SLC1A2: variants seen among roughly 807,000 people sequenced by gnomAD.
The protein encoded by SLC1A2 is excitatory amino acid transporter 2.
Under a neutral mutation model 48.8 loss-of-function variants are expected in SLC1A2, and 15 were observed. The observed-to-expected ratio is 0.31, with a 90% CI of 0.21 to 0.47. The LOEUF (loss-of-function observed/expected upper bound fraction) is 0.47, where lower values mean the gene tolerates loss of function less well. Among genes scored for constraint, SLC1A2 ranks in the 20% least tolerant of loss-of-function variants. The pLI is 0.99. For synonymous variants in SLC1A2, 279 were observed against 272.6 expected (o/e 1.02, Z -0.23); for missense variants, 502 against 730.5 (o/e 0.69, Z 3.61).
chr11:35,317,597 CT>C, intron 1 of SLC1A2, 81 bp from the exon 2 acceptor site: 1 of 1,488,512 alleles, frequency 6.7e-7, no homozygotes, highest in Non-Finnish European at 9.1e-7. Context: ...GTAGGAACCT[CT>C]CCAGGCACAG....
At chr11:35,267,802 A>G (rs1850144968) in intron 9 of SLC1A2, among the ~76,000 whole-genome samples, 2 of 152,006 alleles carry the variant, frequency 1.3e-5, no homozygotes, top group Non-Finnish European at 2.9e-5. Flanking sequence ...AAGTTGAATC[A>G]TGCAAGAAAC....
At chr11:35,327,876 G>A (rs1852298404) in intron 1 of SLC1A2, among the ~76,000 whole-genome samples, 1 of 152,166 alleles carries the variant, frequency 6.6e-6, no homozygotes, top group Admixed American at 6.5e-5. Context: ...TTAAACCTGT[G>A]CTGTCCTTTG....
At chr11:35,344,804 A>G (rs181552951) in intron 1 of SLC1A2, among the ~76,000 whole-genome samples, 2 of 152,338 alleles carry the variant, frequency 1.3e-5, no homozygotes, top group East Asian at 3.9e-4. Context: ...ATCTTCGAGC[A>G]ATAAAAAGCA....
intron 1 of SLC1A2, among the ~76,000 whole-genome samples, chr11:35,395,765 C>T (rs1161533124): frequency 7.6e-5 from 11 of 144,120 alleles, no homozygotes; most frequent in Middle Eastern, 3.2e-3. Flanking sequence ...CGTGCTGGTG[C>T]GCTGCACCCA....
Position 35,405,511 on chromosome 11 carries a change from T to C in SLC1A2, c.17+13439A>G, listed in dbSNP as rs115988508. 5.6e-3 allele frequency among the ~76,000 whole-genome samples: 846 copies of C among 152,260 alleles called. 10 individuals are homozygous for C. The highest frequency in any genetic ancestry group is 0.019 in the African/African-American group (803 of 41,532). On this transcript the variant is annotated intron_variant, in intron 1 of 10. Coordinates refer to ENST00000278379, the MANE Select transcript of SLC1A2 (RefSeq NM_004171.4). ...TCTGAATATCAAATTCATTCTAGCT[T>C]CTCCTTGTTTTCCTTTACAAAGAAC...
intron 1 of SLC1A2, among the ~76,000 whole-genome samples, chr11:35,415,893 C>G (rs1401588084): frequency 2.0e-5 from 3 of 152,218 alleles, no homozygotes; most frequent in African/African-American, 7.2e-5. Flanking sequence ...GGACACTCCA[C>G]TGTGACCCAG....
intron 1 of SLC1A2, among the ~76,000 whole-genome samples, chr11:35,393,972 A>G (rs539588470): frequency 2.0e-5 from 3 of 152,202 alleles, no homozygotes; most frequent in Non-Finnish European, 2.9e-5. Flanking sequence ...CTCTTCTGTA[A>G]CCATGATGGA....
rs1950327113 is a variant in SLC1A2 at position 35,257,314 on chromosome 11, T to A, written c.*3580A>T. On this transcript the variant is annotated 3_prime_UTR_variant, in exon 11 of 11. Coordinates refer to ENST00000278379, the MANE Select transcript of SLC1A2 (RefSeq NM_004171.4). Reference sequence around the variant, plus strand: ...TGAGTCTAAATCCAGGAGCTAGGCATTTTGGCACCCCTTCTTTCAGCTTTC... The same window carrying A: ...TGAGTCTAAATCCAGGAGCTAGGCAATTTGGCACCCCTTCTTTCAGCTTTC... 6.6e-6 allele frequency: 1 copy of A among 152,168 alleles called. No homozygotes were observed. Among genetic ancestry groups the A allele is most frequent in the African/African-American group, 2.4e-5 (1 of 41,448 alleles). 9.4% of individuals were successfully genotyped at this position (152,168 alleles called of 1,614,324 possible). A position where few individuals can be genotyped will look rare whatever the true frequency, so the allele number is the denominator to read the frequency against.
intron 1 of SLC1A2, among the ~76,000 whole-genome samples, chr11:35,350,019 T>A (rs1487709237): frequency 6.6e-6 from 1 of 152,134 alleles, no homozygotes; most frequent in Non-Finnish European, 1.5e-5. Flanking sequence ...TTTCTTCATG[T>A]CTCTGAGCCT....
chr11:35,413,410 A>G (rs1855523125), intron 1 of SLC1A2, among the ~76,000 whole-genome samples: 3 of 152,206 alleles, frequency 2.0e-5, no homozygotes, highest in Admixed American at 1.3e-4. Context: ...TGAGGCTAAG[A>G]GTCACTCCTG....
chr11:35,293,405 T>C (rs111245363), intron 6 of SLC1A2, among the ~76,000 whole-genome samples: 8,120 of 152,274 alleles, frequency 0.053, 708 homozygotes, highest in African/African-American at 0.18. Context: ...CCAATTTATC[T>C]TATATAAACT....
intron 1 of SLC1A2, among the ~76,000 whole-genome samples, chr11:35,346,274 C>A (rs1390879094): frequency 6.6e-6 from 1 of 152,154 alleles, no homozygotes; most frequent in East Asian, 1.9e-4. Context: ...TCCATCCCAC[C>A]TCCTGCTGTT....
At chr11:35,316,440 G>A (rs1247667399) in intron 2 of SLC1A2, 1 of 152,168 alleles carries the variant, frequency 6.6e-6, no homozygotes, top group Non-Finnish European at 1.5e-5. Context: ...AATTAGATGT[G>A]GTTACATGGC....
intron 10 of SLC1A2, among the ~76,000 whole-genome samples, chr11:35,261,494 A>T (rs774149400): frequency 1.3e-5 from 2 of 152,246 alleles, no homozygotes; most frequent in Non-Finnish European, 2.9e-5. Context: ...AGTAGGGAGA[A>T]TTAAAAGTCT....
At chr11:35,409,884 A>T (rs1466505453) in intron 1 of SLC1A2, among the ~76,000 whole-genome samples, 1 of 152,266 alleles carries the variant, frequency 6.6e-6, no homozygotes, top group East Asian at 1.9e-4. Context: ...ACTCCAGCCT[A>T]AGTGACAGAG....
chr11:35,264,799 T>C lies in SLC1A2; in HGVS notation c.1653+728A>G, dbSNP rs529158213. On this transcript the variant is annotated intron_variant, in intron 10 of 10. Coordinates refer to ENST00000278379, the MANE Select transcript of SLC1A2 (RefSeq NM_004171.4). ...TCCCACACAAATAAGAAAAAGATAG[T>C]TGTGTAAAGTTAAGTTGGCACATTT... The C allele has an allele frequency of 2.6e-5, 4 of 152,290 alleles. No homozygotes were observed. In the East Asian group the frequency reaches 7.7e-4, roughly 29 times the overall value. The allele number at this position is 152,290 out of a possible 1,614,324, so 9.4% of individuals were successfully genotyped here. A position where few individuals can be genotyped will look rare whatever the true frequency, so the allele number is the denominator to read the frequency against.
At chr11:35,321,299 C>A (rs892823882) in intron 1 of SLC1A2, among the ~76,000 whole-genome samples, 1 of 152,034 alleles carries the variant, frequency 6.6e-6, no homozygotes, top group African/African-American at 2.4e-5. Context: ...ACAGCCAAAC[C>A]ACATCAAGGG....
intron 1 of SLC1A2, among the ~76,000 whole-genome samples, chr11:35,345,861 T>G (rs11033084): frequency 0.6 from 91,902 of 152,058 alleles, 27,978 homozygotes; most frequent in East Asian, 0.7. Flanking sequence ...CTTGTACCAA[T>G]AATTATTTTA....
Position 35,259,423 on chromosome 11 carries a change from AATACTGTGC to A in SLC1A2, c.*1462_*1470del. ...CTCCCAAACCCAGCAACCTTAGGAA[AATACTGTGC>A]GTTATTCAATAAAAAAGGATAGTAG... On this transcript the variant is annotated 3_prime_UTR_variant, in exon 11 of 11. Transcript: ENST00000278379. The A allele has an allele frequency of 6.5e-6, 1 of 152,788 alleles. No individual in the cohort carries two copies. Among genetic ancestry groups the A allele is most frequent in the South Asian group, 2.1e-4 (1 of 4,822 alleles). 9.5% of individuals were successfully genotyped at this position (152,788 alleles called of 1,614,324 possible).
Sources: gnomAD v4.1 joint callset for allele counts (sites outside exome capture counted in the v4.1 genomes callset) on GRCh38, gnomAD v4.1.1 for gene constraint, MANE v1.5 for transcripts, NCBI Gene and HGNC (gene_info 2026-07-23, HGNC 2026-07-21) for gene names.